Variants in RBFOX1 observed in about 807,000 individuals in gnomAD.
The protein encoded by RBFOX1 is RNA binding fox-1 homolog 1, also known as RNA binding protein fox-1 homolog 1.
In RBFOX1, 8 loss-of-function variants were observed where a neutral mutation model predicts 57.7. That is an observed-to-expected ratio of 0.14 (90% CI 0.08 to 0.25). The LOEUF (loss-of-function observed/expected upper bound fraction) is 0.25, where lower values mean the gene tolerates loss of function less well. Ranked by LOEUF, RBFOX1 falls within the 10% of genes least tolerant of loss-of-function variation. The pLI is 1.00. For synonymous variants in RBFOX1, 326 were observed against 222.4 expected, an observed-to-expected ratio of 1.47 and a Z score of -4.15; for missense variants, 611 against 548.5, an observed-to-expected ratio of 1.11 and a Z score of -1.14.
chr16:7,656,318 A>G (rs577277683), intron 12 of RBFOX1, among the ~76,000 whole-genome samples: 8 of 152,300 alleles, frequency 5.3e-5, no homozygotes, highest in African/African-American at 1.4e-4. Flanking sequence ...AAAAACTTTG[A>G]GGCCACCATC....
intron 4 of RBFOX1, among the ~76,000 whole-genome samples, chr16:7,517,269 T>G (rs1320955300): frequency 1.3e-5 from 2 of 151,914 alleles, no homozygotes; most frequent in Non-Finnish European, 2.9e-5. Flanking sequence ...GTTTTTGTTG[T>G]GTGTGTTTTT....
At chr16:5,796,651 C>G (rs982221048) in intron 3 of RBFOX1, among the ~76,000 whole-genome samples, 2 of 152,202 alleles carry the variant, frequency 1.3e-5, no homozygotes, top group African/African-American at 4.8e-5. Context: ...TGACTGTTTA[C>G]TTGTCAATGC....
At chr16:6,895,883 C>T (rs1055005470) in intron 3 of RBFOX1, among the ~76,000 whole-genome samples, 3 of 151,774 alleles carry the variant, frequency 2.0e-5, no homozygotes, top group African/African-American at 4.8e-5. Context: ...TACTCATCCT[C>T]TTATGTCATC....
intron 3 of RBFOX1, among the ~76,000 whole-genome samples, chr16:6,997,838 A>G (rs554211124): frequency 1.3e-5 from 2 of 152,278 alleles, no homozygotes; most frequent in South Asian, 2.1e-4. Flanking sequence ...TTTGTCTTCT[A>G]GTAATAGCAG....
chr16:5,830,441 A>G (rs2056224890), intron 3 of RBFOX1, among the ~76,000 whole-genome samples: 1 of 151,324 alleles, frequency 6.6e-6, no homozygotes, highest in African/African-American at 2.4e-5. Flanking sequence ...AGTGCTTATC[A>G]CAGACTCGCC....
chr16:5,652,615 C>T (rs1018514559), intron 3 of RBFOX1, among the ~76,000 whole-genome samples: 1 of 152,224 alleles, frequency 6.6e-6, no homozygotes, highest in Non-Finnish European at 1.5e-5. Context: ...CTCTCAGCCC[C>T]CACCCACTCA....
At chr16:6,192,226 C>A (rs530601329) in intron 1 of RBFOX1, among the ~76,000 whole-genome samples, 1 of 152,230 alleles carries the variant, frequency 6.6e-6, no homozygotes, top group East Asian at 1.9e-4. Flanking sequence ...CGGGACCAGT[C>A]CTTGGGTGTT....
Position 7,383,456 on chromosome 16 carries a change from T to C in RBFOX1, c.28-134691T>C, listed in dbSNP as rs562312425. Among the ~76,000 whole-genome samples, 5 of 152,224 alleles carry C rather than the reference T, an allele frequency of 3.3e-5. No homozygotes were observed. In the South Asian group the frequency reaches 1.0e-3, roughly 32 times the overall value. On this transcript the variant is annotated intron_variant, in intron 4 of 15. Transcript: ENST00000550418. ...CACATTGAAATAATCTCTTGAATTA[T>C]CTGAGTTTTAGGCTAGCCAGGGCCA...
At chr16:6,252,231 T>C (rs1461493561) in intron 1 of RBFOX1, among the ~76,000 whole-genome samples, 1 of 152,102 alleles carries the variant, frequency 6.6e-6, no homozygotes, top group Non-Finnish European at 1.5e-5. Context: ...CTGCCATTTC[T>C]TCTCTCAATA....
intron 1 of RBFOX1, among the ~76,000 whole-genome samples, chr16:5,321,975 CA>C (rs2064422581): frequency 6.6e-6 from 1 of 152,156 alleles, no homozygotes; most frequent in Non-Finnish European, 1.5e-5. Context: ...CCTCTCGTCT[CA>C]CCTTCAGATC....
At chr16:6,496,776 A>G (rs1281016553) in intron 2 of RBFOX1, among the ~76,000 whole-genome samples, 2 of 152,084 alleles carry the variant, frequency 1.3e-5, no homozygotes, top group Non-Finnish European at 2.9e-5. Context: ...CCTGGCCAAC[A>G]TGGTGAAACG....
intron 2 of RBFOX1, among the ~76,000 whole-genome samples, chr16:5,578,598 A>T (rs953896815): frequency 2.0e-5 from 3 of 152,208 alleles, no homozygotes; most frequent in African/African-American, 7.2e-5. Flanking sequence ...GACTCCTGGC[A>T]TGGGAGAAAA....
intron 1 of RBFOX1, among the ~76,000 whole-genome samples, chr16:5,294,026 C>G (rs12933462): frequency 0.051 from 7,794 of 152,126 alleles, 262 homozygotes; most frequent in Middle Eastern, 0.1. Context: ...GCCAGGAGTT[C>G]GAGACCTGCT....
At chr16:5,769,880 C>T (rs537684964) in intron 3 of RBFOX1, among the ~76,000 whole-genome samples, 1 of 152,258 alleles carries the variant, frequency 6.6e-6, no homozygotes, top group African/African-American at 2.4e-5. Flanking sequence ...GGTACTTTGT[C>T]ATGACAACCG....
chr16:6,038,548 A>ATATATATG (rs1487670978), intron 1 of RBFOX1: 1 of 140,098 alleles, frequency 7.1e-6, no homozygotes, highest in African/African-American at 2.6e-5. Flanking sequence ...ATATATATAT[A>ATATATATG]TATCATCCAT....
chr16:5,959,952 G>A (rs1233365597), intron 4 of RBFOX1, among the ~76,000 whole-genome samples: 1 of 152,196 alleles, frequency 6.6e-6, no homozygotes, highest in Non-Finnish European at 1.5e-5. Context: ...TGTAATCCCA[G>A]TACTTTGGGA....
At chr16:5,667,033 T>A (rs907924913) in intron 3 of RBFOX1, among the ~76,000 whole-genome samples, 2 of 152,164 alleles carry the variant, frequency 1.3e-5, no homozygotes, top group South Asian at 2.1e-4. Context: ...CAAATTTCAT[T>A]TGAGGTTGAT....
intron 1 of RBFOX1, among the ~76,000 whole-genome samples, chr16:6,115,021 A>G (rs145765763): frequency 1.3e-5 from 2 of 152,292 alleles, no homozygotes; most frequent in East Asian, 3.9e-4. Flanking sequence ...CCAGGAAAGG[A>G]ACAGTAGCTT....
chr16:6,644,965 C>T (rs749646411), intron 2 of RBFOX1, among the ~76,000 whole-genome samples: 2 of 152,128 alleles, frequency 1.3e-5, no homozygotes, highest in Non-Finnish European at 2.9e-5. Flanking sequence ...AATCTAGGTG[C>T]TTAAAACAAC....
Sources: allele counts gnomAD v4.1 joint callset (sites outside exome capture counted in the v4.1 genomes callset), GRCh38; gene constraint gnomAD v4.1.1; transcripts MANE v1.5; gene names NCBI Gene and HGNC (gene_info 2026-07-23, HGNC 2026-07-21).